Variants in LAD1 observed in about 807,000 individuals in gnomAD.
The protein encoded by LAD1 is ladinin-1.
Under a neutral mutation model 54.2 loss-of-function variants are expected in LAD1, and 53 were observed. The observed-to-expected ratio is 0.98, with a 90% CI of 0.78 to 1.23. The LOEUF (loss-of-function observed/expected upper bound fraction) is 1.23. Ranked by LOEUF, LAD1 falls within the 50% of genes most tolerant of loss-of-function variation. LAD1 has a pLI of 0.00. For synonymous variants in LAD1, 231 were observed against 257.7 expected (o/e 0.90, Z 0.99); for missense variants, 637 against 653.3 (o/e 0.98, Z 0.27).
chr1:201,383,192 G>C lies in LAD1; in HGVS notation c.1268C>G (p.Ser423Cys). 1 of 1,613,994 alleles carries C rather than the reference G, an allele frequency of 6.2e-7. No individual in the cohort carries two copies. Among genetic ancestry groups the C allele is most frequent in the Non-Finnish European group, 8.5e-7 (1 of 1,179,910 alleles). The change falls in exon 7 of 10, where the codon TCT becomes TGT. Residue 423 changes from serine (S) to cysteine (C), a missense_variant. Physicochemically the swap from Ser to Cys is moderately radical, Grantham distance 112. Transcript: ENST00000391967. ...TAACTCAGTGCAAGGCAGACCCCGAGACTTGACAGATTCTGATCTCTGGGA... is the reference window on the plus strand; with the variant it reads ...TAACTCAGTGCAAGGCAGACCCCGACACTTGACAGATTCTGATCTCTGGGA... ...TAIRRSESVK[S>C]RGLPCTELFV...
intron 1 of LAD1, among the ~76,000 whole-genome samples, chr1:201,396,777 G>T (rs1407709284): frequency 1.3e-5 from 2 of 152,150 alleles, no homozygotes; most frequent in Non-Finnish European, 2.9e-5. Context: ...TTCCCCTTCT[G>T]CATGGTCACT....
rs756056403 is a variant in LAD1 at position 201,386,771 on chromosome 1, G to A, written c.590C>T (p.Ser197Phe). The change falls in exon 3 of 10, where the codon TCC becomes TTC. Residue 197 changes from serine (S) to phenylalanine (F), a missense_variant. By Grantham distance (155) the Ser-to-Phe change is radical (BLOSUM62 -2). Coordinates refer to ENST00000391967, the MANE Select transcript of LAD1 (RefSeq NM_005558.4). The stretch of plus-strand genomic sequence containing the variant: ...CTTCTCAGAGATGGAGGTTTTATCG[G>A]AGACCAGGCTCTTTTCAGGTGCCGT... ...KKTAPEKSLVSDKTSISEKVL... is the reference protein window; with the variant it reads ...KKTAPEKSLVFDKTSISEKVL... 41 of 1,614,076 alleles carry A rather than the reference G, an allele frequency of 2.5e-5. No individual in the cohort carries two copies. Among genetic ancestry groups the A allele is most frequent in the Non-Finnish European group, 3.4e-5 (40 of 1,180,036 alleles).
Position 201,383,383 on chromosome 1 carries a change from G to C in LAD1, c.1182C>G (p.Ser394Arg). 1.3e-5 allele frequency: 21 copies of C among 1,614,082 alleles called. No individual in the cohort carries two copies. Among genetic ancestry groups the C allele is most frequent in the Non-Finnish European group, 1.8e-5 (21 of 1,180,000 alleles). ...TCACTGTGTTGTCTGGGAGCTTCAT[G>C]CTGGCACTGCAGGATGGAAGATGGA... Reference protein sequence around the residue: ...NSETTLTRSASMKLPDNTVKL... With the variant: ...NSETTLTRSARMKLPDNTVKL... Residue 394 changes from serine to arginine, a missense_variant, in exon 6 of 10, where the codon AGC becomes AGG. Ser to Arg is a moderately radical substitution (Grantham distance 110). Coordinates refer to ENST00000391967, the MANE Select transcript of LAD1 (RefSeq NM_005558.4).
At position 201,385,682 on chromosome 1, in the gene LAD1, G is replaced by A. The variant is rs532449918; in HGVS notation, c.1131+19C>T. On this transcript the variant is annotated intron_variant, in intron 4 of 9. Coordinates refer to ENST00000391967, the MANE Select transcript of LAD1 (RefSeq NM_005558.4). ...TTGCCCTCCAGTGGCTCGCAGACCAGGGTGCCCAGGGCTCTCACCCGAAAG... is the reference window on the plus strand; with the variant it reads ...TTGCCCTCCAGTGGCTCGCAGACCAAGGTGCCCAGGGCTCTCACCCGAAAG... The A allele has an allele frequency of 5.8e-5, 91 of 1,580,928 alleles. 1 individual carries two copies. The South Asian group carries it at 9.6e-4, about 17-fold the overall frequency.
intron 4 of LAD1, among the ~76,000 whole-genome samples, 168 bp downstream of exon 4, chr1:201,385,533 C>T (rs1662056308): frequency 6.6e-6 from 1 of 152,198 alleles, no homozygotes; most frequent in African/African-American, 2.4e-5. Context: ...ACCTGTTCTC[C>T]TCTGCTGAAT....
At position 201,399,190 on chromosome 1, in the gene LAD1, G is replaced by T. The variant is rs1662360447; in HGVS notation, c.38+79C>A. 4 of 1,181,202 alleles carry T rather than the reference G, an allele frequency of 3.4e-6. No individual in the cohort carries two copies. In the South Asian group the frequency reaches 5.2e-5, roughly 15 times the overall value. The allele number at this position is 1,181,202 out of a possible 1,614,324, so 73.2% of individuals were successfully genotyped here. A position where few individuals can be genotyped will look rare whatever the true frequency, so the allele number is the denominator to read the frequency against. ...CAGTGTCAGGGTCCCAGGCGGGGAG[G>T]AGGCCGGTGCCCCGAGGAGAGGAGA... is the stretch of plus-strand genomic sequence containing the variant. On this transcript the variant is annotated intron_variant, in intron 1 of 9. Transcript: ENST00000391967.
chr1:201,388,730 A>AAGGCAGCCTGGATAATGGAAGG (rs1662142654), intron 2 of LAD1, among the ~76,000 whole-genome samples: 2 of 151,916 alleles, frequency 1.3e-5, no homozygotes, highest in South Asian at 2.1e-4. Flanking sequence ...GGGTTAGAAG[A>AAGGCAGCCTGGATAATGGAAGG]AGGCAGCCTG....
rs1254500505 is a variant in LAD1 at position 201,383,395 on chromosome 1, G to T, written c.1176-6C>A. The T allele has an allele frequency of 1.2e-6, 2 of 1,613,852 alleles. No individual in the cohort carries two copies. Among genetic ancestry groups the T allele is most frequent in the African/African-American group, 1.3e-5 (1 of 74,908 alleles). On this transcript the variant is annotated splice_region_variant and splice_polypyrimidine_tract_variant and intron_variant, in intron 5 of 9. Transcript: ENST00000391967. The stretch of plus-strand genomic sequence containing the variant: ...CTGGGAGCTTCATGCTGGCACTGCA[G>T]GATGGAAGATGGAACAGGCGAGCCA...
intron 1 of LAD1, among the ~76,000 whole-genome samples, chr1:201,394,491 C>G (rs1409771112): frequency 1.3e-5 from 2 of 152,220 alleles, no homozygotes; most frequent in Non-Finnish European, 2.9e-5. Flanking sequence ...AACTATCCCC[C>G]TATGGCCTTG....
intron 1 of LAD1, among the ~76,000 whole-genome samples, chr1:201,390,520 G>A (rs778352762): frequency 1.3e-5 from 2 of 152,142 alleles, no homozygotes; most frequent in Non-Finnish European, 2.9e-5. Flanking sequence ...CTGGGCAAGA[G>A]TGAAACTCCA....
chr1:201,386,952 C>A lies in LAD1; in HGVS notation c.409G>T (p.Glu137Ter). 6.2e-7 allele frequency: 1 copy of A among 1,611,324 alleles called. No individual in the cohort carries two copies. The highest frequency in any genetic ancestry group is 2.2e-5 in the East Asian group (1 of 44,870). ...ATQKPLVSKKELEIPPRRRLS... is the reference protein window; with the variant it reads ...ATQKPLVSKK ...CTCCGGCGAGGTGGGATTTCCAGTT[C>A]CTTCTTGGAGACTAGGGGTTTCTGT... Residue 137 changes from glutamate (E) to a stop codon, truncating the protein, a stop_gained, in exon 3 of 10, where the codon GAA becomes TAA. Coordinates refer to ENST00000391967, the MANE Select transcript of LAD1 (RefSeq NM_005558.4). LOFTEE classifies it high-confidence loss of function.
chr1:201,383,576 C>G, intron 5 of LAD1, 187 bp from the exon 6 acceptor site: 1 of 638,420 alleles, frequency 1.6e-6, no homozygotes, highest in Non-Finnish European at 2.8e-6. Context: ...AGGGATTTCC[C>G]TCCACTTCCA....
intron 1 of LAD1, among the ~76,000 whole-genome samples, chr1:201,397,062 A>G (rs963349592): frequency 2.6e-5 from 4 of 152,102 alleles, no homozygotes; most frequent in South Asian, 2.1e-4. Flanking sequence ...TGCCCCCCCA[A>G]TCCCAGGGTT....
chr1:201,394,555 C>T (rs1184472587), intron 1 of LAD1, among the ~76,000 whole-genome samples: 1 of 152,222 alleles, frequency 6.6e-6, no homozygotes, highest in East Asian at 1.9e-4. Context: ...GCTGTGAGCT[C>T]TGGGTATTTG....
chr1:201,389,147 C>A lies in LAD1; in HGVS notation c.182+13G>T. The A allele has an allele frequency of 1.2e-6, 2 of 1,612,702 alleles. No individual in the cohort carries two copies. The highest frequency in any genetic ancestry group is 4.5e-5 in the East Asian group (2 of 44,850). On this transcript the variant is annotated intron_variant, in intron 2 of 9. Coordinates refer to ENST00000391967, the MANE Select transcript of LAD1 (RefSeq NM_005558.4). ...CCATCCCCATCCATCAGGATAGAAA[C>A]CTGAGCACCTACCTCTCAGAAGCAG... is the stretch of plus-strand genomic sequence containing the variant.
intron 3 of LAD1, 126 bp from the exon 4 acceptor site, chr1:201,385,931 T>C (rs1012032154): frequency 2.8e-6 from 2 of 712,906 alleles, no homozygotes; most frequent in African/African-American, 1.7e-5. Flanking sequence ...CTGTGCCTTC[T>C]CTCCTGCCTC....
intron 8 of LAD1, 26 bp from the exon 9 acceptor site, chr1:201,382,352 C>T: frequency 6.3e-7 from 1 of 1,578,284 alleles, no homozygotes; most frequent in Non-Finnish European, 8.7e-7. Flanking sequence ...AGGGTGGAGA[C>T]CAGAGACTAA....
intron 1 of LAD1, among the ~76,000 whole-genome samples, chr1:201,397,997 C>T (rs1662330696): frequency 1.3e-5 from 2 of 152,196 alleles, no homozygotes; most frequent in African/African-American, 4.8e-5. Flanking sequence ...TTCCAGAGCA[C>T]TGAGTTCCCT....
chr1:201,389,405 C>T (rs1662159017), intron 1 of LAD1, 102 bp from the exon 2 acceptor site: 16 of 1,359,364 alleles, frequency 1.2e-5, no homozygotes, highest in Non-Finnish European at 1.6e-5. Context: ...GCCCTCTAGG[C>T]CTGCACTGGC....
Sources: gnomAD v4.1 joint callset for allele counts (sites outside exome capture counted in the v4.1 genomes callset) on GRCh38, gnomAD v4.1.1 for gene constraint, MANE v1.5 for transcripts, NCBI Gene and HGNC (gene_info 2026-07-23, HGNC 2026-07-21) for gene names.